The following NEMP2 variants were observed in gnomAD, a reference collection of about 807,000 sequenced individuals.
NEMP2 encodes the protein nuclear envelope integral membrane protein 2, also known as UPF0571 transmembrane protein.
Under a neutral mutation model 54.2 loss-of-function variants are expected in NEMP2, and 53 were observed. The ratio of observed to expected loss-of-function variants is 0.98; its 90% CI spans 0.78 to 1.23. NEMP2 has a LOEUF of 1.23. Ranked by LOEUF, NEMP2 falls within the 50% of genes most tolerant of loss-of-function variation. The pLI is 0.00. For synonymous variants in NEMP2, 197 were observed against 190.3 expected (o/e 1.04, Z -0.29); for missense variants, 455 against 511.3 (o/e 0.89, Z 1.06).
chr2:190,472,375 T>G, the NEMP2 span, among the ~76,000 whole-genome samples: 1 of 152,070 alleles, frequency 6.6e-6, no homozygotes, highest in Non-Finnish European at 1.5e-5. Context: ...CAATAACCAA[T>G]GCAGAGAAGT....
At position 190,523,023 on chromosome 2, in the gene NEMP2, C is replaced by T. The variant is rs1404274489; in HGVS notation, c.213+2240G>A. 2.6e-5 allele frequency among the ~76,000 whole-genome samples: 4 copies of T among 152,116 alleles called. No individual in the cohort carries two copies. Among genetic ancestry groups the T allele is most frequent in the Non-Finnish European group, 5.9e-5 (4 of 68,018 alleles). ...AGAATCTGAGGGATGTGTCACAGGC[C>T]ATTGGTCACTCATATTTGGCTCAGA... On this transcript the variant is annotated intron_variant, in intron 2 of 8. Transcript: ENST00000409150. This position sits in a 1 kb window ranked among gnomAD's most constrained non-coding sequence, Gnocchi z 5.3.
chr2:190,457,737 A>G, the NEMP2 span, among the ~76,000 whole-genome samples: 1 of 152,158 alleles, frequency 6.6e-6, no homozygotes, highest in East Asian at 1.9e-4. This position sits in a 1 kb window ranked among gnomAD's most constrained non-coding sequence, Gnocchi z 5.1. Flanking sequence ...ATGCTTGTTT[A>G]ATCTTTTCAA....
the NEMP2 span, chr2:190,437,237 G>A: frequency 1.9e-6 from 3 of 1,614,236 alleles, no homozygotes; most frequent in Non-Finnish European, 2.5e-6. This position sits in a 1 kb window ranked among gnomAD's most constrained non-coding sequence, Gnocchi z 5.9. Context: ...GATTCTAAAG[G>A]GAAAGAGGTG....
the NEMP2 span, among the ~76,000 whole-genome samples, chr2:190,637,417 G>A: frequency 6.6e-6 from 1 of 152,186 alleles, no homozygotes; most frequent in Non-Finnish European, 1.5e-5. The surrounding 1 kb of genome is among the most constrained non-coding windows in gnomAD (Gnocchi z 4.5). Context: ...AGTCCACACT[G>A]CTTAGCGTGT....
At chr2:190,589,818 T>C in the NEMP2 span, among the ~76,000 whole-genome samples, 42,152 of 152,126 alleles carry the variant, frequency 0.28, 6,607 homozygotes, top group Admixed American at 0.45. This position sits in a 1 kb window ranked among gnomAD's most constrained non-coding sequence, Gnocchi z 4.3. Context: ...GCCAATGGCC[T>C]ACCTGTTTGG....
the NEMP2 span, among the ~76,000 whole-genome samples, chr2:190,442,315 G>A: frequency 2.0e-5 from 3 of 152,184 alleles, no homozygotes; most frequent in Non-Finnish European, 4.4e-5. Context: ...TTAGTAAGAT[G>A]CAGGGGCTGA....
the NEMP2 span, chr2:190,488,821 A>G: frequency 1.9e-6 from 3 of 1,554,786 alleles, no homozygotes; most frequent in Non-Finnish European, 2.6e-6. This position sits in a 1 kb window ranked among gnomAD's most constrained non-coding sequence, Gnocchi z 6.4. Context: ...TTATTTTGGT[A>G]AGAATGGCTT....
At chr2:190,439,021 CCT>C in the NEMP2 span, among the ~76,000 whole-genome samples, 70 of 152,138 alleles carry the variant, frequency 4.6e-4, no homozygotes, top group Middle Eastern at 0.01. This position sits in a 1 kb window ranked among gnomAD's most constrained non-coding sequence, Gnocchi z 5.8. Context: ...CCACAGAACC[CCT>C]GAGGCACATT....
the NEMP2 span, among the ~76,000 whole-genome samples, chr2:190,499,063 G>C: frequency 1.1e-4 from 16 of 152,300 alleles, no homozygotes; most frequent in East Asian, 2.3e-3. This position sits in a 1 kb window ranked among gnomAD's most constrained non-coding sequence, Gnocchi z 6.0. Flanking sequence ...GCAGAGAATT[G>C]CTTGAACCCA....
chr2:190,610,559 G>A, the NEMP2 span: 1 of 152,204 alleles, frequency 6.6e-6, no homozygotes, highest in Admixed American at 6.6e-5. This position sits in a 1 kb window ranked among gnomAD's most constrained non-coding sequence, Gnocchi z 5.4. Context: ...CCTTAAAGGA[G>A]AGCATACCAT....
In NEMP2 at chr2:190,525,356, C is replaced by T; in HGVS notation, c.120G>A (p.Lys40=). The change falls in exon 2 of 9, where the codon AAG becomes AAA. Residue 40 remains lysine, a synonymous_variant. Coordinates refer to ENST00000409150, the MANE Select transcript of NEMP2 (RefSeq NM_001142645.2). This position sits in a 1 kb window ranked among gnomAD's most constrained non-coding sequence, Gnocchi z 5.0. ...ALSVRRCKAL[K]EKDLIRTSES... ...CAGACGTTCTAATTAAATCTTTTTC[C>T]TTCAAAGCTTTACACCTACGAACTG... 1 of 1,545,864 alleles carries T rather than the reference C, an allele frequency of 6.5e-7. No individual in the cohort carries two copies. Among genetic ancestry groups the T allele is most frequent in the Non-Finnish European group, 8.8e-7 (1 of 1,142,498 alleles).
chr2:190,611,708 C>T, the NEMP2 span, among the ~76,000 whole-genome samples: 193 of 152,338 alleles, frequency 1.3e-3, no homozygotes, highest in African/African-American at 4.5e-3. The surrounding 1 kb of genome is among the most constrained non-coding windows in gnomAD (Gnocchi z 5.4). Context: ...TCCACATTCT[C>T]ATGACTCCTT....
chr2:190,636,898 A>G, the NEMP2 span, among the ~76,000 whole-genome samples: 8 of 152,226 alleles, frequency 5.3e-5, no homozygotes, highest in Admixed American at 5.2e-4. Flanking sequence ...TTTATCCAGA[A>G]CATTCAGACA....
the NEMP2 span, among the ~76,000 whole-genome samples, chr2:190,571,009 AC>A: frequency 6.6e-6 from 1 of 152,216 alleles, no homozygotes; most frequent in Non-Finnish European, 1.5e-5. Context: ...TGATTTAGGC[AC>A]TGTGGATAGA....
chr2:190,422,420 C>T, the NEMP2 span, among the ~76,000 whole-genome samples: 2 of 152,084 alleles, frequency 1.3e-5, no homozygotes, highest in Non-Finnish European at 2.9e-5. Flanking sequence ...CTTGATTTAT[C>T]CTTTTGTTCT....
At chr2:190,477,259 A>G in the NEMP2 span, 36 of 983,728 alleles carry the variant, frequency 3.7e-5, no homozygotes, top group Non-Finnish European at 4.3e-5. Context: ...ATTCAATAAC[A>G]AGGTAATATG....
At chr2:190,526,914 A>C (rs1029374653) in intron 1 of NEMP2, among the ~76,000 whole-genome samples, 1 of 152,186 alleles carries the variant, frequency 6.6e-6, no homozygotes, top group African/African-American at 2.4e-5. Context: ...AAAGAGAGAT[A>C]TATATTAACC....
upstream of NEMP2, among the ~76,000 whole-genome samples, chr2:190,535,396 TTTC>T (rs1691341749): frequency 6.6e-6 from 1 of 152,152 alleles, no homozygotes; most frequent in African/African-American, 2.4e-5. Context: ...TAAAAAAAAG[TTTC>T]TTAATGTAAT....
rs957364297 is a variant in NEMP2, at chr2:190,521,697, C to T, written c.214-2514G>A. Reference sequence around the variant, plus strand: ...TCCTAAAAGGCCACCCTGACAAGGTCACTGGTGCTTCCATGTTGCTAACTC... The same window carrying T: ...TCCTAAAAGGCCACCCTGACAAGGTTACTGGTGCTTCCATGTTGCTAACTC... On this transcript the variant is annotated intron_variant, in intron 2 of 8. Transcript: ENST00000409150. This position sits in a 1 kb window ranked among gnomAD's most constrained non-coding sequence, Gnocchi z 6.2. Among the ~76,000 whole-genome samples the T allele has an allele frequency of 6.6e-6, 1 of 152,226 alleles. No individual in the cohort carries two copies. Among genetic ancestry groups the T allele is most frequent in the Non-Finnish European group, 1.5e-5 (1 of 68,038 alleles).
Sources: gnomAD v4.1 joint callset for allele counts (sites outside exome capture counted in the v4.1 genomes callset) on GRCh38, gnomAD v4.1.1 for gene constraint, Gnocchi (gnomAD v3.1) non-coding constraint, MANE v1.5 for transcripts, NCBI Gene and HGNC (gene_info 2026-07-23, HGNC 2026-07-21) for gene names.